The following ACTN2 variants were observed in gnomAD, a reference collection of about 807,000 sequenced individuals.
The protein encoded by ACTN2 is actinin alpha 2.
ACTN2 carries 39 observed loss-of-function variants against 113.8 expected under a neutral mutation model. That is an observed-to-expected ratio of 0.34 (90% CI 0.27 to 0.45). ACTN2 has a LOEUF of 0.45. Among genes scored for constraint, ACTN2 ranks in the 20% least tolerant of loss-of-function variants. The pLI, the probability that ACTN2 is intolerant of heterozygous loss-of-function variation, is 1.00. For synonymous variants in ACTN2, 429 were observed against 444.1 expected, an observed-to-expected ratio of 0.97 and a Z score of 0.43; for missense variants, 992 against 1,177.9, an observed-to-expected ratio of 0.84 and a Z score of 2.31.
intron 1 of ACTN2, among the ~76,000 whole-genome samples, chr1:236,706,138 A>T (rs1407348092): frequency 6.6e-6 from 1 of 151,408 alleles, no homozygotes; most frequent in East Asian, 1.9e-4. Context: ...GCAAGATTAT[A>T]GAATCTTTCT....
intron 1 of ACTN2, among the ~76,000 whole-genome samples, chr1:236,692,709 T>C (rs143822567): frequency 6.6e-6 from 1 of 152,200 alleles, no homozygotes; most frequent in African/African-American, 2.4e-5. Flanking sequence ...TACATCCTAT[T>C]TGGGACACCG....
chr1:236,724,838 C>CT lies in ACTN2; in HGVS notation c.449-1073dup, dbSNP rs5781922. On this transcript the variant is annotated intron_variant, in intron 4 of 20. Transcript: ENST00000366578. ...CATCACAGATGGTGCTGGGTTTTTC[C>CT]TTTTTTTTTTTTTTTTTTTTTTGGT... Among the ~76,000 whole-genome samples, 647 of 81,608 alleles carry CT rather than the reference C, an allele frequency of 7.9e-3. 6 individuals are homozygous for CT. Among genetic ancestry groups the CT allele is most frequent in the African/African-American group, 0.023 (568 of 25,200 alleles). 53.5% of individuals were successfully genotyped at this position (81,608 alleles called of 152,430 possible).
At chr1:236,703,841 T>C (rs951906536) in intron 1 of ACTN2, among the ~76,000 whole-genome samples, 1 of 152,260 alleles carries the variant, frequency 6.6e-6, no homozygotes, top group Non-Finnish European at 1.5e-5. Flanking sequence ...AGATAAGTAA[T>C]TGCAGCTGAA....
intron 15 of ACTN2, 37 bp from the exon 16 acceptor site, chr1:236,753,910 C>A (rs1415041893): frequency 6.3e-7 from 1 of 1,598,308 alleles, no homozygotes; most frequent in Admixed American, 1.7e-5. Flanking sequence ...GAGACCACAG[C>A]TGGCCTCTAA....
intron 1 of ACTN2, among the ~76,000 whole-genome samples, chr1:236,695,569 C>CCA (rs1553296767): frequency 1.8e-5 from 2 of 111,736 alleles, no homozygotes; most frequent in South Asian, 3.7e-4. Context: ...GAGTTCCCCC[C>CCA]CCCTGCCCAG....
At chr1:236,740,835 G>A (rs7555260) in intron 10 of ACTN2, among the ~76,000 whole-genome samples, 80,058 of 151,498 alleles carry the variant, frequency 0.53, 23,564 homozygotes, top group Non-Finnish European at 0.67. Context: ...AGTTTTTTTG[G>A]CCCAGCTGCC....
At chr1:236,731,372 G>T in intron 7 of ACTN2, 58 bp downstream of exon 7, 2 of 1,419,754 alleles carry the variant, frequency 1.4e-6, no homozygotes, top group South Asian at 2.3e-5. Context: ...CAAATGTTAT[G>T]GCTACACATT....
At chr1:236,733,407 A>C (rs1466177199) in intron 7 of ACTN2, among the ~76,000 whole-genome samples, 1 of 152,116 alleles carries the variant, frequency 6.6e-6, no homozygotes, top group African/African-American at 2.4e-5. Flanking sequence ...TTAGTCTCTG[A>C]GTCCTGATCT....
chr1:236,715,231 T>G (rs562707444), intron 1 of ACTN2, among the ~76,000 whole-genome samples: 1 of 151,794 alleles, frequency 6.6e-6, no homozygotes, highest in African/African-American at 2.4e-5. Flanking sequence ...TATGTATACA[T>G]GTGCCATGTT....
In ACTN2 at chr1:236,754,756, T is replaced by C. The variant is rs1454100693; in HGVS notation, c.1975-263T>C. Among the ~76,000 whole-genome samples the C allele has an allele frequency of 1.3e-5, 2 of 152,210 alleles. No homozygotes were observed. The highest frequency in any genetic ancestry group is 2.4e-5 in the African/African-American group (1 of 41,448). On this transcript the variant is annotated intron_variant, in intron 16 of 20. Coordinates refer to ENST00000366578, the MANE Select transcript of ACTN2 (RefSeq NM_001103.4). This position sits in a 1 kb window ranked among gnomAD's most constrained non-coding sequence, Gnocchi z 4.9. Reference sequence around the variant, plus strand: ...CCACAGCAAGAAGCTGAAGGACTTATCTCTGACCCCTCTTGCCTCTCTGTT... The same window carrying C: ...CCACAGCAAGAAGCTGAAGGACTTACCTCTGACCCCTCTTGCCTCTCTGTT...
At chr1:236,727,902 C>A in intron 6 of ACTN2, 146 bp downstream of exon 6, 2 of 761,206 alleles carry the variant, frequency 2.6e-6, no homozygotes, top group East Asian at 2.7e-5. Context: ...TCCCAGCTAG[C>A]CTTTCCCATG....
At chr1:236,723,062 G>C (rs1432763878) in intron 4 of ACTN2, among the ~76,000 whole-genome samples, 1 of 152,188 alleles carries the variant, frequency 6.6e-6, no homozygotes, top group East Asian at 1.9e-4. Context: ...GAAACTCCGT[G>C]ACTTGTAAAT....
rs1026263599 is a variant in ACTN2, at chr1:236,764,087, A to G, written c.*1468A>G. ...CTCAGATTTTTATAGATTTCCACCA[A>G]CAGCTGGAAATGTAATATTTCCATT... On this transcript the variant is annotated 3_prime_UTR_variant, in exon 21 of 21. Transcript: ENST00000366578. The G allele has an allele frequency of 6.6e-6, 1 of 152,156 alleles. No individual in the cohort carries two copies. The highest frequency in any genetic ancestry group is 1.5e-5 in the Non-Finnish European group (1 of 68,036). 9.4% of individuals were successfully genotyped at this position (152,156 alleles called of 1,614,324 possible).
chr1:236,693,922 G>A (rs1039514344), intron 1 of ACTN2, among the ~76,000 whole-genome samples: 9 of 152,140 alleles, frequency 5.9e-5, no homozygotes, highest in African/African-American at 1.7e-4. Context: ...TAGCCCCATC[G>A]TCTGTTCATT....
intron 4 of ACTN2, among the ~76,000 whole-genome samples, chr1:236,721,965 G>C (rs1658409676): frequency 6.6e-6 from 1 of 152,004 alleles, no homozygotes; most frequent in Admixed American, 6.6e-5. Context: ...AAGCAAGATA[G>C]CTAAATCACA....
intron 15 of ACTN2, among the ~76,000 whole-genome samples, chr1:236,753,314 G>A (rs1281639026): frequency 6.6e-6 from 1 of 152,202 alleles, no homozygotes; most frequent in East Asian, 1.9e-4. Flanking sequence ...TCATGTATAT[G>A]CTTCTTTACT....
intron 13 of ACTN2, chr1:236,748,021 A>G (rs112703981): frequency 4.2e-4 from 196 of 463,628 alleles, no homozygotes; most frequent in African/African-American, 3.2e-3. Context: ...TGATGAGATT[A>G]CGGCATAAAT....
At chr1:236,736,935 A>T in intron 8 of ACTN2, 187 bp from the exon 9 acceptor site, 1 of 634,750 alleles carries the variant, frequency 1.6e-6, no homozygotes, top group Non-Finnish European at 2.9e-6. Flanking sequence ...GAAAACTGTA[A>T]CAAAGGTGTG....
At chr1:236,755,722 T>A (rs10925214) in intron 17 of ACTN2, among the ~76,000 whole-genome samples, 26,622 of 45,244 alleles carry the variant, frequency 0.59, 7,329 homozygotes, top group Non-Finnish European at 0.68. Context: ...GAACCCTGGT[T>A]ATAGAGTATA....
Sources: allele counts gnomAD v4.1 joint callset (sites outside exome capture counted in the v4.1 genomes callset), GRCh38; gene constraint gnomAD v4.1.1; non-coding constraint Gnocchi (gnomAD v3.1); transcripts MANE v1.5; gene names NCBI Gene and HGNC (gene_info 2026-07-23, HGNC 2026-07-21).